The following FBXO42 variants were observed in gnomAD, a reference collection of about 807,000 sequenced individuals.
FBXO42 encodes the protein F-box only protein 42.
FBXO42 carries 12 observed loss-of-function variants against 71.7 expected under a neutral mutation model. That is an observed-to-expected ratio of 0.17 (90% CI 0.11 to 0.27). The LOEUF (loss-of-function observed/expected upper bound fraction) is 0.27. FBXO42 is among the 10% of genes least tolerant of loss of function. The pLI is 1.00. For synonymous variants in FBXO42, 325 were observed against 327.5 expected (o/e 0.99, Z 0.08); for missense variants, 707 against 911.9 (o/e 0.78, Z 2.89).
At chr1:16,345,151 C>A (rs1039581855) in intron 1 of FBXO42, among the ~76,000 whole-genome samples, 1 of 151,704 alleles carries the variant, frequency 6.6e-6, no homozygotes, top group Non-Finnish European at 1.5e-5. Context: ...GAGCCAGGCG[C>A]GGCAGCTCAC....
chr1:16,311,497 AAAAAAAATATATAT>A (rs1208596243), intron 2 of FBXO42, among the ~76,000 whole-genome samples: 1 of 78,172 alleles, frequency 1.3e-5, no homozygotes, highest in African/African-American at 4.8e-5. Flanking sequence ...CAAAAAAAAA[AAAAAAAATATATAT>A]ATATATATAT....
At chr1:16,255,017 T>C (rs2081625268) in intron 6 of FBXO42, among the ~76,000 whole-genome samples, 1 of 152,192 alleles carries the variant, frequency 6.6e-6, no homozygotes, top group African/African-American at 2.4e-5. Flanking sequence ...CATTTCCACT[T>C]GTCCTGTCAA....
chr1:16,302,787 G>C (rs997955039), intron 3 of FBXO42, among the ~76,000 whole-genome samples: 4 of 152,222 alleles, frequency 2.6e-5, no homozygotes, highest in Non-Finnish European at 4.4e-5. Context: ...TGGGATTACA[G>C]GCGTAAGCCA....
In FBXO42 at chr1:16,256,813, T is replaced by C. The variant is rs553592247; in HGVS notation, c.503-54A>G. 3.2e-6 allele frequency: 5 copies of C among 1,586,006 alleles called. No homozygotes were observed. The East Asian group carries it at 9.0e-5, about 29-fold the overall frequency. Reference sequence around the variant, plus strand: ...GCATTCAGGATCTCACAACAATCCGTAGTTAGGCTATCCATAGATCACCTT... The same window carrying C: ...GCATTCAGGATCTCACAACAATCCGCAGTTAGGCTATCCATAGATCACCTT... On this transcript the variant is annotated intron_variant, in intron 4 of 9. Coordinates refer to ENST00000375592, the MANE Select transcript of FBXO42 (RefSeq NM_018994.3).
chr1:16,321,575 T>C (rs2082409314), intron 1 of FBXO42, among the ~76,000 whole-genome samples: 1 of 152,142 alleles, frequency 6.6e-6, no homozygotes, highest in African/African-American at 2.4e-5. Flanking sequence ...GAATCTGAAC[T>C]CCCTGGAGGC....
chr1:16,281,668 T>C (rs1309620097), intron 4 of FBXO42, among the ~76,000 whole-genome samples: 1 of 150,886 alleles, frequency 6.6e-6, no homozygotes, highest in East Asian at 1.9e-4. Context: ...TTCTTTCTTT[T>C]TTTTTTTTGA....
At chr1:16,347,153 T>TGC (rs2082660527) in intron 1 of FBXO42, among the ~76,000 whole-genome samples, 1 of 152,082 alleles carries the variant, frequency 6.6e-6, no homozygotes, top group African/African-American at 2.4e-5. Flanking sequence ...TGTGTGTGTG[T>TGC]GCGCATCAAA....
intron 4 of FBXO42, among the ~76,000 whole-genome samples, chr1:16,257,300 G>A (rs1183909987): frequency 6.6e-6 from 1 of 152,142 alleles, no homozygotes; most frequent in Non-Finnish European, 1.5e-5. Flanking sequence ...TATTTGTCCC[G>A]TGAGTCAAAT....
intron 3 of FBXO42, among the ~76,000 whole-genome samples, chr1:16,304,526 A>G (rs2082230174): frequency 6.6e-6 from 1 of 152,112 alleles, no homozygotes; most frequent in Admixed American, 6.6e-5. Context: ...CCATTATATG[A>G]CCTAGTACTA....
At chr1:16,347,345 G>GTGTCTACTAAAAA (rs2082661952) in intron 1 of FBXO42, among the ~76,000 whole-genome samples, 1 of 149,440 alleles carries the variant, frequency 6.7e-6, no homozygotes, top group Non-Finnish European at 1.5e-5. Flanking sequence ...GTGAAACCCC[G>GTGTCTACTAAAAA]TGTCTACTAA....
chr1:16,255,573 G>A, intron 6 of FBXO42, 138 bp downstream of exon 6: 1 of 639,236 alleles, frequency 1.6e-6, no homozygotes, highest in East Asian at 2.9e-5. Context: ...GACCTCAGGT[G>A]ATCCACCCAC....
At chr1:16,302,003 A>G (rs1462998633) in intron 3 of FBXO42, among the ~76,000 whole-genome samples, 2 of 152,180 alleles carry the variant, frequency 1.3e-5, no homozygotes, top group East Asian at 3.9e-4. Context: ...AGACAAGCCA[A>G]GAAACTTGCT....
intron 1 of FBXO42, among the ~76,000 whole-genome samples, chr1:16,334,982 T>C (rs562453243): frequency 1.9e-4 from 25 of 134,206 alleles, no homozygotes; most frequent in African/African-American, 6.2e-4. Flanking sequence ...ATCCCAGCAC[T>C]GTGGGAAGCC....
intron 1 of FBXO42, among the ~76,000 whole-genome samples, chr1:16,335,869 CA>C (rs59693692): frequency 2.5e-3 from 210 of 84,356 alleles, no homozygotes; most frequent in Middle Eastern, 8.5e-3. Context: ...TCCATCGCGC[CA>C]AAAAAAAAAA....
Position 16,253,097 on chromosome 1 carries a change from G to A in FBXO42, c.920C>T (p.Ala307Val). ...LILGGCGGPN[A>V]LFKDAWLLHM... ...GAATGCCACAGAAGCAATACTCACA[G>A]CATTGGGACCGCCACACCCTCCGAG... Residue 307 changes from alanine to valine, a missense_variant and splice_region_variant, in exon 8 of 10, where the codon GCT becomes GTT. Ala to Val is a moderately conservative substitution (Grantham distance 64). This residue lies in a region of FBXO42 where 482 missense variants were observed against 587.1 expected (regional missense o/e 0.82). Transcript: ENST00000375592. 1 of 1,613,406 alleles carries A rather than the reference G, an allele frequency of 6.2e-7. No individual in the cohort carries two copies. Among genetic ancestry groups the A allele is most frequent in the Non-Finnish European group, 8.5e-7 (1 of 1,179,652 alleles).
At chr1:16,352,218 C>G in intron 1 of FBXO42, 37 bp downstream of exon 1, 1 of 392,726 alleles carries the variant, frequency 2.5e-6, no homozygotes, top group Non-Finnish European at 4.5e-6. Flanking sequence ...AAGGCGCCGG[C>G]TCCCCTCTGC....
chr1:16,321,830 A>G (rs936834752), intron 1 of FBXO42, among the ~76,000 whole-genome samples: 1 of 152,120 alleles, frequency 6.6e-6, no homozygotes, highest in African/African-American at 2.4e-5. Flanking sequence ...AGTGCTGGGA[A>G]TACAGGTATA....
rs1038673466 is a variant in FBXO42 at position 16,339,461 on chromosome 1, T to C, written c.-18+12794A>G. Among the ~76,000 whole-genome samples the C allele has an allele frequency of 4.6e-5, 7 of 151,842 alleles. No homozygotes were observed. The East Asian group carries it at 1.2e-3, about 25-fold the overall frequency. On this transcript the variant is annotated intron_variant, in intron 1 of 9. Transcript: ENST00000375592. ...CCGAGTAGCTGGGACTACAGGTGCG[T>C]GCCACCACGCCCAGCTAATTTTTGT...
chr1:16,295,333 ATTGT>A (rs2082117385), intron 3 of FBXO42, among the ~76,000 whole-genome samples: 2 of 152,210 alleles, frequency 1.3e-5, no homozygotes, highest in African/African-American at 2.4e-5. Context: ...CAATTCTCCT[ATTGT>A]TTTTGTTTTC....
Sources: allele counts gnomAD v4.1 joint callset (sites outside exome capture counted in the v4.1 genomes callset), GRCh38; gene constraint gnomAD v4.1.1; regional missense constraint gnomAD v4.1.1; transcripts MANE v1.5; gene names NCBI Gene and HGNC (gene_info 2026-07-23, HGNC 2026-07-21).